The following ARMC2 variants were observed in gnomAD, a reference collection of about 807,000 sequenced individuals.
ARMC2 encodes the protein armadillo repeat containing 2, also known as armadillo repeat-containing protein 2.
In ARMC2, 67 loss-of-function variants were observed where a neutral mutation model predicts 90.3. The observed-to-expected ratio is 0.74, with a 90% CI of 0.61 to 0.91. ARMC2 has a LOEUF of 0.91. ARMC2 is among the 40% of genes least tolerant of loss of function. The pLI, the probability that ARMC2 is intolerant of heterozygous loss-of-function variation, is 0.00. For synonymous variants in ARMC2, 393 were observed against 393.0 expected (o/e 1.00, Z 0.00); for missense variants, 920 against 1,030.9 (o/e 0.89, Z 1.47).
At chr6:109,033,637 C>T in the ARMC2 span, among the ~76,000 whole-genome samples, 2 of 152,128 alleles carry the variant, frequency 1.3e-5, no homozygotes, top group African/African-American at 4.8e-5. Context: ...TTTATCTCCT[C>T]ATGCCTTAGA....
chr6:109,040,887 C>T, the ARMC2 span, among the ~76,000 whole-genome samples: 8 of 151,842 alleles, frequency 5.3e-5, no homozygotes, highest in East Asian at 2.0e-4. Flanking sequence ...CTCCTGACCT[C>T]GTGATCTGCC....
intron 17 of ARMC2, among the ~76,000 whole-genome samples, chr6:108,966,307 AAC>A (rs1197486340): frequency 6.6e-6 from 1 of 151,948 alleles, no homozygotes; most frequent in African/African-American, 2.4e-5. Flanking sequence ...AACTTTTAAA[AAC>A]ACAGATTATC....
At chr6:108,888,499 A>G (rs1029585597) in intron 5 of ARMC2, among the ~76,000 whole-genome samples, 1 of 152,248 alleles carries the variant, frequency 6.6e-6, no homozygotes, top group Admixed American at 6.5e-5. Flanking sequence ...ATTATCAAGG[A>G]GAAAAAGAAT....
rs561886331 is a variant in ARMC2 at position 108,925,852 on chromosome 6, G to A, written c.1351-2236G>A. Among the ~76,000 whole-genome samples, 8 of 152,264 alleles carry A rather than the reference G, an allele frequency of 5.3e-5. No homozygotes were observed. The South Asian group carries it at 1.5e-3, about 28-fold the overall frequency. On this transcript the variant is annotated intron_variant, in intron 10 of 17. Transcript: ENST00000392644. ...TATATTACTCAACTGTGTGTATCACGTGCAGTAAATGGGTAGGAATTTCAA... is the reference window on the plus strand; with the variant it reads ...TATATTACTCAACTGTGTGTATCACATGCAGTAAATGGGTAGGAATTTCAA...
chr6:109,031,966 T>C, the ARMC2 span, among the ~76,000 whole-genome samples: 4 of 152,310 alleles, frequency 2.6e-5, no homozygotes, highest in African/African-American at 9.6e-5. Flanking sequence ...TACACATATC[T>C]TGAAGGTAAT....
chr6:108,896,903 C>T (rs1052497067), intron 6 of ARMC2, among the ~76,000 whole-genome samples: 14 of 152,192 alleles, frequency 9.2e-5, no homozygotes, highest in Non-Finnish European at 1.5e-4. Flanking sequence ...AATTAAATAA[C>T]TCGCCTGACT....
intron 17 of ARMC2, among the ~76,000 whole-genome samples, chr6:108,969,859 T>C (rs1036625412): frequency 3.9e-5 from 6 of 152,076 alleles, no homozygotes; most frequent in African/African-American, 9.7e-5. Context: ...TTGGGCAACG[T>C]AGTGAGACCC....
intron 11 of ARMC2, among the ~76,000 whole-genome samples, chr6:108,931,275 A>G (rs1174928976): frequency 1.3e-5 from 2 of 151,924 alleles, no homozygotes; most frequent in East Asian, 3.8e-4. Context: ...ATAGCTGCAT[A>G]GTATTCCATG....
chr6:108,933,296 T>C (rs1318859545), intron 11 of ARMC2, among the ~76,000 whole-genome samples: 2 of 152,196 alleles, frequency 1.3e-5, no homozygotes, highest in African/African-American at 4.8e-5. Flanking sequence ...CCTGGTTAGC[T>C]GTATTCTCAG....
the ARMC2 span, among the ~76,000 whole-genome samples, chr6:108,994,140 T>TAAAAAAAAAA: frequency 3.0e-5 from 3 of 100,250 alleles, no homozygotes; most frequent in Non-Finnish European, 6.1e-5. Flanking sequence ...CCCTGTTTCT[T>TAAAAAAAAAA]AAAAAAAAAA....
At chr6:108,884,093 C>G (rs1047278179) in intron 5 of ARMC2, among the ~76,000 whole-genome samples, 1 of 152,090 alleles carries the variant, frequency 6.6e-6, no homozygotes, top group African/African-American at 2.4e-5. Flanking sequence ...GAGAAACTTT[C>G]CATTTGGAAA....
chr6:109,013,933 C>A, the ARMC2 span, among the ~76,000 whole-genome samples: 1 of 151,956 alleles, frequency 6.6e-6, no homozygotes, highest in Non-Finnish European at 1.5e-5. Flanking sequence ...TTTCCCTTTT[C>A]AACATCATGT....
At chr6:108,875,546 T>G (rs1776850689) in intron 4 of ARMC2, among the ~76,000 whole-genome samples, 1 of 152,182 alleles carries the variant, frequency 6.6e-6, no homozygotes, top group South Asian at 2.1e-4. Flanking sequence ...GGGTTTGTCC[T>G]CCCTACCCTG....
At chr6:108,947,397 T>C (rs1474610238) in intron 12 of ARMC2, among the ~76,000 whole-genome samples, 3 of 152,218 alleles carry the variant, frequency 2.0e-5, no homozygotes, top group Non-Finnish European at 4.4e-5. Flanking sequence ...ATGAGTCTCC[T>C]GAAGCCTCAG....
chr6:109,047,470 T>TG, the ARMC2 span, among the ~76,000 whole-genome samples: 2 of 111,890 alleles, frequency 1.8e-5, no homozygotes, highest in Non-Finnish European at 3.8e-5. Context: ...GGGAGGGAGG[T>TG]GGGGGGGTCA....
the ARMC2 span, chr6:109,000,213 G>C: frequency 4.2e-6 from 1 of 238,718 alleles, no homozygotes; most frequent in Non-Finnish European, 8.0e-6. Flanking sequence ...ATATGATATT[G>C]TAATGGATGC....
intron 1 of ARMC2, 122 bp from the exon 2 acceptor site, chr6:108,854,103 G>A: frequency 1.9e-6 from 1 of 536,956 alleles, no homozygotes; most frequent in South Asian, 2.2e-5. Flanking sequence ...CCTTCTAACT[G>A]CTTGGTGGAT....
chr6:109,033,262 G>A, the ARMC2 span, among the ~76,000 whole-genome samples: 2 of 152,142 alleles, frequency 1.3e-5, no homozygotes, highest in African/African-American at 4.8e-5. Flanking sequence ...AACCAGTGAT[G>A]CCAGTGGAAA....
chr6:108,858,148 T>G (rs55695435), intron 2 of ARMC2, 51 bp from the exon 3 acceptor site: 22,035 of 1,443,330 alleles, frequency 0.015, 237 homozygotes, highest in Middle Eastern at 0.039. Context: ...ATACTATAAA[T>G]AAAGAAATAA....
Sources: allele counts gnomAD v4.1 joint callset (sites outside exome capture counted in the v4.1 genomes callset), GRCh38; gene constraint gnomAD v4.1.1; transcripts MANE v1.5; gene names NCBI Gene and HGNC (gene_info 2026-07-23, HGNC 2026-07-21).